CREB5: variants seen among roughly 807,000 people sequenced by gnomAD.
CREB5 encodes cAMP responsive element binding protein 5, also known as cyclic AMP-responsive element-binding protein 5.
Under a neutral mutation model 57.1 loss-of-function variants are expected in CREB5, and 19 were observed. The observed-to-expected ratio is 0.33, with a 90% CI of 0.23 to 0.49. The LOEUF (loss-of-function observed/expected upper bound fraction) is 0.49. CREB5 is among the 20% of genes least tolerant of loss of function. CREB5 has a pLI of 0.99. For synonymous variants in CREB5, 238 were observed against 238.3 expected (o/e 1.00, Z 0.01); for missense variants, 579 against 671.6 (o/e 0.86, Z 1.52).
At chr7:28,475,071 G>C (rs1791000534) in intron 1 of CREB5, among the ~76,000 whole-genome samples, 1 of 152,162 alleles carries the variant, frequency 6.6e-6, no homozygotes, top group Non-Finnish European at 1.5e-5. Context: ...AGATTTTAGG[G>C]ACAGAGGTAT....
Position 28,726,523 on chromosome 7 carries a change from G to A in CREB5, c.702+2191G>A, listed in dbSNP as rs564402494. On this transcript the variant is annotated intron_variant, in intron 7 of 10. Transcript: ENST00000357727. ...AAGCTTTTACGAAATACAAAGTAGTGAAGGAAAAAAAAAACTTGCACGATT... is the reference window on the plus strand; with the variant it reads ...AAGCTTTTACGAAATACAAAGTAGTAAAGGAAAAAAAAAACTTGCACGATT... Among the ~76,000 whole-genome samples the A allele has an allele frequency of 3.3e-5, 5 of 151,762 alleles. No individual in the cohort carries two copies. In the South Asian group the frequency reaches 1.0e-3, roughly 32 times the overall value.
intron 4 of CREB5, among the ~76,000 whole-genome samples, chr7:28,551,858 T>TC (rs1221218872): frequency 1.3e-5 from 2 of 148,562 alleles, no homozygotes; most frequent in Middle Eastern, 3.5e-3. Flanking sequence ...TTTCTTTCTT[T>TC]TCTTTCTTTC....
At chr7:28,665,994 G>GA (rs1455794774) in intron 5 of CREB5, among the ~76,000 whole-genome samples, 1 of 151,828 alleles carries the variant, frequency 6.6e-6, no homozygotes, top group South Asian at 2.1e-4. Context: ...ACTTTCTAAA[G>GA]AAAAAACAGT....
chr7:28,582,362 C>T (rs1796151584), intron 5 of CREB5, among the ~76,000 whole-genome samples: 1 of 152,158 alleles, frequency 6.6e-6, no homozygotes, highest in Admixed American at 6.5e-5. Flanking sequence ...TCAATGGTAA[C>T]CTTCACGGGG....
intron 7 of CREB5, among the ~76,000 whole-genome samples, chr7:28,792,966 G>C (rs529983582): frequency 2.0e-5 from 3 of 152,310 alleles, no homozygotes; most frequent in East Asian, 3.9e-4. Flanking sequence ...TTAGCAGGAT[G>C]GTAGAACTGT....
chr7:28,575,898 G>A (rs192453977), intron 5 of CREB5, among the ~76,000 whole-genome samples: 3 of 152,144 alleles, frequency 2.0e-5, no homozygotes, highest in African/African-American at 7.2e-5. Context: ...TTCCACTCAC[G>A]GGGTTTTATG....
At chr7:28,698,609 TTTGGGG>T (rs776703882) in intron 5 of CREB5, among the ~76,000 whole-genome samples, 2 of 152,206 alleles carry the variant, frequency 1.3e-5, no homozygotes, top group Non-Finnish European at 2.9e-5. Context: ...TGCCAGCTTC[TTTGGGG>T]AAAGAAAATA....
intron 7 of CREB5, among the ~76,000 whole-genome samples, chr7:28,779,550 A>G (rs1280965256): frequency 1.3e-5 from 2 of 152,190 alleles, no homozygotes; most frequent in African/African-American, 4.8e-5. Context: ...CTTTTTACAG[A>G]TGAAATTGAT....
intron 1 of CREB5, among the ~76,000 whole-genome samples, chr7:28,393,786 G>A (rs1454864798): frequency 6.6e-6 from 1 of 152,038 alleles, no homozygotes; most frequent in African/African-American, 2.4e-5. Flanking sequence ...TGTTAAAGTG[G>A]ACTTGGGACT....
intron 1 of CREB5, among the ~76,000 whole-genome samples, chr7:28,449,808 C>T (rs1789701757): frequency 6.6e-6 from 1 of 152,194 alleles, no homozygotes. Context: ...TCATTGGTTG[C>T]TTAAAATTGT....
chr7:28,625,001 T>G (rs78828155), intron 5 of CREB5, among the ~76,000 whole-genome samples: 1 of 137,844 alleles, frequency 7.3e-6, no homozygotes, highest in Non-Finnish European at 1.5e-5. Context: ...ATGTTGGATT[T>G]TTTTTTTTTT....
intron 5 of CREB5, among the ~76,000 whole-genome samples, chr7:28,637,279 T>C (rs1562540962): frequency 6.6e-6 from 1 of 152,204 alleles, no homozygotes; most frequent in Non-Finnish European, 1.5e-5. Flanking sequence ...AGATAGTGAA[T>C]TTCTATTCAA....
chr7:28,560,979 T>TGTGC lies in CREB5; in HGVS notation c.292-9385_292-9384insTGCG, dbSNP rs1795226081. Among the ~76,000 whole-genome samples the TGTGC allele has an allele frequency of 6.7e-5, 4 of 59,818 alleles. 1 individual carries two copies. The highest frequency in any genetic ancestry group is 7.7e-5 in the Non-Finnish European group (2 of 26,134). The allele number at this position is 59,818 out of a possible 152,430, so 39.2% of individuals were successfully genotyped here. ...GTGTGTGCGTGTGTGTGTGCGTGTG[T>TGTGC]GCGTGCGTGTGTGTGCCTGCGTGTG... On this transcript the variant is annotated intron_variant, in intron 4 of 10. Transcript: ENST00000357727.
chr7:28,489,189 T>C (rs899289982), intron 2 of CREB5, among the ~76,000 whole-genome samples: 6 of 152,060 alleles, frequency 3.9e-5, no homozygotes, highest in African/African-American at 1.4e-4. Flanking sequence ...GTTACAGTCT[T>C]TCCCTCACTC....
intron 5 of CREB5, among the ~76,000 whole-genome samples, chr7:28,642,507 T>G (rs1295169367): frequency 6.6e-6 from 1 of 152,204 alleles, no homozygotes; most frequent in Non-Finnish European, 1.5e-5. Context: ...TAAAAATAGT[T>G]CAAGCTGAAC....
chr7:28,495,930 A>G (rs1792020606), intron 3 of CREB5, among the ~76,000 whole-genome samples: 2 of 152,120 alleles, frequency 1.3e-5, no homozygotes, highest in African/African-American at 2.4e-5. Context: ...CCATTAGCTA[A>G]TTGTGATTTA....
At chr7:28,436,675 A>AT (rs201351258) in intron 1 of CREB5, among the ~76,000 whole-genome samples, 489 of 151,562 alleles carry the variant, frequency 3.2e-3, no homozygotes, top group South Asian at 3.8e-3. Context: ...TTTCCAAGGC[A>AT]TTTTTTTTTC....
Position 28,392,038 on chromosome 7 carries a change from C to T in CREB5, c.-25+92597C>T, listed in dbSNP as rs561898986. ...AATGGAGGAACAGAAAACCAAATAC[C>T]GCATGTTCTCACTTGTAAGTGGAAG... On this transcript the variant is annotated intron_variant, in intron 1 of 9. Coordinates refer to the CREB5 transcript ENST00000396299. Among the ~76,000 whole-genome samples the T allele has an allele frequency of 2.6e-5, 4 of 152,198 alleles. No homozygotes were observed. In the South Asian group the frequency reaches 6.2e-4, roughly 24 times the overall value.
intron 7 of CREB5, among the ~76,000 whole-genome samples, chr7:28,767,038 T>A (rs2128773454): frequency 6.6e-6 from 1 of 152,354 alleles, no homozygotes; most frequent in Non-Finnish European, 1.5e-5. Context: ...GAGTCTTTGT[T>A]TTAACAAAGA....
Sources: allele counts gnomAD v4.1 joint callset (sites outside exome capture counted in the v4.1 genomes callset), GRCh38; gene constraint gnomAD v4.1.1; transcripts MANE v1.5; gene names NCBI Gene and HGNC (gene_info 2026-07-23, HGNC 2026-07-21).